Variants in MYO5B observed in about 807,000 individuals in gnomAD.
MYO5B encodes the protein myosin VB.
In MYO5B, 143 loss-of-function variants were observed where a neutral mutation model predicts 229.3. The observed-to-expected ratio is 0.62, with a 90% CI of 0.54 to 0.72. The LOEUF is 0.72. Ranked by LOEUF, MYO5B falls within the 30% of genes least tolerant of loss-of-function variation. The pLI is 0.00. For missense variants in MYO5B, 2,321 were observed against 2,331.0 expected, an observed-to-expected ratio of 1.00 and a Z score of 0.09; for synonymous variants, 918 against 885.2, an observed-to-expected ratio of 1.04 and a Z score of -0.66.
intron 3 of MYO5B, among the ~76,000 whole-genome samples, chr18:50,038,862 T>C (rs1036491473): frequency 5.3e-5 from 8 of 152,198 alleles, no homozygotes; most frequent in African/African-American, 1.9e-4. Context: ...AAATATCTTA[T>C]TAAAGGCTCT....
At chr18:50,069,682 G>A (rs2030906197) in intron 1 of MYO5B, among the ~76,000 whole-genome samples, 1 of 152,112 alleles carries the variant, frequency 6.6e-6, no homozygotes, top group Admixed American at 6.6e-5. Context: ...GAAGCACAGG[G>A]ATTCTTAGAT....
rs1166212799 is a variant in MYO5B, at chr18:49,877,826, G to A, written c.3333C>T (p.Ser1111=). 6.2e-7 allele frequency: 1 copy of A among 1,614,084 alleles called. No individual in the cohort carries two copies. Among genetic ancestry groups the A allele is most frequent in the Non-Finnish European group, 8.5e-7 (1 of 1,179,980 alleles). ...PSNQSSLESD[S]NYPSISTSEI... is the part of the protein sequence containing the mutation. The stretch of plus-strand genomic sequence containing the variant: ...CAGATGTGGAGATGGAGGGGTAATT[G>A]GAGTCAGATTCTAAGCTACTTTGGT... Residue 1111 remains serine, a synonymous_variant, in exon 25 of 40, where the codon TCC becomes TCT. Transcript: ENST00000285039.
chr18:50,055,730 C>T (rs2030532653), intron 1 of MYO5B, among the ~76,000 whole-genome samples: 1 of 152,156 alleles, frequency 6.6e-6, no homozygotes, highest in Non-Finnish European at 1.5e-5. Context: ...AGTTATTTAG[C>T]AGGCTACAAA....
intron 24 of MYO5B, among the ~76,000 whole-genome samples, chr18:49,878,133 G>A (rs537356329): frequency 6.6e-5 from 10 of 152,130 alleles, no homozygotes; most frequent in African/African-American, 2.4e-4. Flanking sequence ...ATTTCTCCGA[G>A]AAGTCCTGGA....
chr18:49,856,858 T>A lies in MYO5B; in HGVS notation c.3977A>T (p.Asp1326Val). ...KTEDWGYLNE[D>V]GELGLAYQGL... is the part of the protein sequence containing the mutation. ...TTGGTAGGCCAAGCCGAGTTCTCCATCTTCATTTAAATATCCCCAATCCTC... is the reference window on the plus strand; with the variant it reads ...TTGGTAGGCCAAGCCGAGTTCTCCAACTTCATTTAAATATCCCCAATCCTC... Residue 1326 changes from aspartate (D) to valine (V), a missense_variant, in exon 30 of 40, where the codon GAT (aspartate) becomes GTT (valine). Physicochemically the swap from Asp to Val is radical, Grantham distance 152 (BLOSUM62 -3). This residue lies in a region of MYO5B where 2,113 missense variants were observed against 2,044.7 expected (regional missense o/e 1.03). Transcript: ENST00000285039. 6.2e-7 allele frequency: 1 copy of A among 1,614,180 alleles called. No homozygotes were observed.
intron 4 of MYO5B, among the ~76,000 whole-genome samples, chr18:50,011,532 C>A (rs924644270): frequency 6.6e-6 from 1 of 152,070 alleles, no homozygotes. Context: ...AAACAGTGCT[C>A]TTTAGCTCCC....
chr18:50,191,537 C>T (rs1174145289), intron 1 of MYO5B, among the ~76,000 whole-genome samples: 1 of 152,210 alleles, frequency 6.6e-6, no homozygotes, highest in Non-Finnish European at 1.5e-5. Context: ...AATTAACATG[C>T]AATGTATTCA....
rs538947406 is a variant in MYO5B at position 50,014,126 on chromosome 18, G to A, written c.456-12715C>T. Among the ~76,000 whole-genome samples the A allele has an allele frequency of 1.8e-4, 28 of 152,210 alleles. No homozygotes were observed. The East Asian group carries it at 4.6e-3, about 25-fold the overall frequency. On this transcript the variant is annotated intron_variant, in intron 4 of 39. Coordinates refer to ENST00000285039, the MANE Select transcript of MYO5B (RefSeq NM_001080467.3). The stretch of plus-strand genomic sequence containing the variant: ...GGTTGTATCATAAAAATGACATTGA[G>A]GTGGGCAGTGTTAGGAAGAGAAACC...
chr18:50,081,736 C>T (rs1406557256), intron 1 of MYO5B, among the ~76,000 whole-genome samples: 1 of 152,042 alleles, frequency 6.6e-6, no homozygotes, highest in Non-Finnish European at 1.5e-5. Context: ...CATTCTGATT[C>T]ACACATGCAA....
At chr18:50,027,512 G>A (rs903531054) in intron 4 of MYO5B, among the ~76,000 whole-genome samples, 1 of 152,186 alleles carries the variant, frequency 6.6e-6, no homozygotes, top group Non-Finnish European at 1.5e-5. Flanking sequence ...AAGCTAGGAC[G>A]CTAACTGGGG....
intron 12 of MYO5B, among the ~76,000 whole-genome samples, 183 bp from the exon 13 acceptor site, chr18:49,954,618 G>A (rs1436094211): frequency 6.6e-6 from 1 of 152,170 alleles, no homozygotes; most frequent in Non-Finnish European, 1.5e-5. Flanking sequence ...CGGCCACGGC[G>A]TGCCCTCATC....
intron 1 of MYO5B, among the ~76,000 whole-genome samples, chr18:50,099,745 A>G (rs2031619483): frequency 6.6e-6 from 1 of 152,206 alleles, no homozygotes; most frequent in African/African-American, 2.4e-5. Context: ...GAATTTGCAG[A>G]ATAGTTAGCT....
intron 1 of MYO5B, among the ~76,000 whole-genome samples, chr18:50,068,960 CAGAT>C (rs1232915250): frequency 2.0e-5 from 3 of 152,064 alleles, no homozygotes; most frequent in Non-Finnish European, 2.9e-5. Context: ...TGTGGCTCAA[CAGAT>C]AGGCCTCTCT....
At position 50,164,033 on chromosome 18, in the gene MYO5B, A is replaced by T. The variant is rs1294270950; in HGVS notation, c.27+30734T>A. Among the ~76,000 whole-genome samples, 4 of 152,244 alleles carry T rather than the reference A, an allele frequency of 2.6e-5. No individual in the cohort carries two copies. In the South Asian group the frequency reaches 6.2e-4, roughly 24 times the overall value. On this transcript the variant is annotated intron_variant, in intron 1 of 39. Coordinates refer to ENST00000285039, the MANE Select transcript of MYO5B (RefSeq NM_001080467.3). ...CAGAGGTACAACATTACAGGCAAAG[A>T]ATATTTCAAGGGAATTAAGTGTCTC...
At chr18:49,869,786 C>G (rs532026417) in intron 27 of MYO5B, among the ~76,000 whole-genome samples, 1 of 151,856 alleles carries the variant, frequency 6.6e-6, no homozygotes, top group African/African-American at 2.4e-5. Context: ...TGGGTGGGCC[C>G]TATCCCAGCC....
intron 21 of MYO5B, among the ~76,000 whole-genome samples, chr18:49,896,432 A>G (rs1192534145): frequency 6.6e-6 from 1 of 152,176 alleles, no homozygotes; most frequent in African/African-American, 2.4e-5. Flanking sequence ...TATCCACTCC[A>G]GTCTGGGTCT....
In MYO5B at chr18:49,928,040, C is replaced by CG. The variant is rs1258022354; in HGVS notation, c.2090+1471_2090+1472insC. ...AATCTACAAGGAACTCAAAGTAGCA[C>CG]AGAAAAAAAACCATCCCGTCAAAAA... On this transcript the variant is annotated intron_variant, in intron 17 of 39. Transcript: ENST00000285039. 7.3e-4 allele frequency among the ~76,000 whole-genome samples: 85 copies of CG among 115,758 alleles called. 1 individual carries two copies. The highest frequency in any genetic ancestry group is 2.5e-3 in the East Asian group (9 of 3,622). The allele number at this position is 115,758 out of a possible 152,430, so 75.9% of individuals were successfully genotyped here. A position where few individuals can be genotyped will look rare whatever the true frequency, so the allele number is the denominator to read the frequency against.
At chr18:49,896,760 A>G (rs1323984977) in intron 21 of MYO5B, among the ~76,000 whole-genome samples, 1 of 152,178 alleles carries the variant, frequency 6.6e-6, no homozygotes, top group African/African-American at 2.4e-5. Flanking sequence ...GCCCAGCTGC[A>G]TTGATCTTGA....
chr18:49,917,365 C>T lies in MYO5B; in HGVS notation c.2091-5192G>A, dbSNP rs113980456. Among the ~76,000 whole-genome samples, 807 of 152,312 alleles carry T rather than the reference C, an allele frequency of 5.3e-3. 9 individuals carry two copies. Among genetic ancestry groups the T allele is most frequent in the African/African-American group, 0.017 (703 of 41,564 alleles). ...GGTGCTACTGGCTTTGGGGCAGCAC[C>T]GTTGGGTGTGGGACAGTCCTAACAC... On this transcript the variant is annotated intron_variant, in intron 17 of 39. Coordinates refer to ENST00000285039, the MANE Select transcript of MYO5B (RefSeq NM_001080467.3).
Sources: gnomAD v4.1 joint callset for allele counts (sites outside exome capture counted in the v4.1 genomes callset) on GRCh38, gnomAD v4.1.1 for gene constraint, gnomAD v4.1.1 regional missense constraint, MANE v1.5 for transcripts, NCBI Gene and HGNC (gene_info 2026-07-23, HGNC 2026-07-21) for gene names.